The following RORA variants were observed in gnomAD, a reference collection of about 807,000 sequenced individuals.
RORA encodes the protein nuclear receptor ROR-alpha.
Under a neutral mutation model 69.5 loss-of-function variants are expected in RORA, and 7 were observed. The observed-to-expected ratio is 0.10, with a 90% CI of 0.06 to 0.19. The LOEUF (loss-of-function observed/expected upper bound fraction) is 0.19, where lower values mean the gene tolerates loss of function less well. RORA is among the 10% of genes least tolerant of loss of function. The pLI is 1.00. For synonymous variants in RORA, 261 were observed against 240.8 expected, an observed-to-expected ratio of 1.08 and a Z score of -0.78; for missense variants, 457 against 663.0, an observed-to-expected ratio of 0.69 and a Z score of 3.41.
At chr15:60,561,056 GT>G (rs59042428) in intron 2 of RORA, among the ~76,000 whole-genome samples, 9,933 of 119,550 alleles carry the variant, frequency 0.083, 471 homozygotes, top group African/African-American at 0.17. Context: ...TTTAACTTGT[GT>G]TTTTTTTTTT....
At chr15:60,868,986 T>C (rs554217533) in intron 1 of RORA, among the ~76,000 whole-genome samples, 3 of 152,178 alleles carry the variant, frequency 2.0e-5, no homozygotes, top group African/African-American at 2.4e-5. Flanking sequence ...CCAGAACCCA[T>C]GCCAAACATG....
At chr15:61,195,324 G>A (rs542370522) in intron 1 of RORA, among the ~76,000 whole-genome samples, 1 of 151,932 alleles carries the variant, frequency 6.6e-6, no homozygotes, top group Admixed American at 6.6e-5. Context: ...GCCACTAGAG[G>A]TCTACTCCAC....
Position 60,515,931 on chromosome 15 carries a change from A to ATATT in RORA, c.283-1175_283-1174insAATA, listed in dbSNP as rs1555424754. 2.2e-4 allele frequency among the ~76,000 whole-genome samples: 4 copies of ATATT among 18,498 alleles called. 1 individual carries two copies. Among genetic ancestry groups the ATATT allele is most frequent in the African/African-American group, 8.3e-4 (3 of 3,616 alleles). 12.1% of individuals were successfully genotyped at this position (18,498 alleles called of 152,430 possible). A position where few individuals can be genotyped will look rare whatever the true frequency, so the allele number is the denominator to read the frequency against. ...ATATTGTATTTATATATATATTTAT[A>ATATT]TATATATTTATATATATTTATATAT... On this transcript the variant is annotated intron_variant, in intron 3 of 10. Transcript: ENST00000335670.
intron 1 of RORA, chr15:61,041,206 T>C (rs944654999): frequency 6.6e-6 from 1 of 152,246 alleles, no homozygotes; most frequent in African/African-American, 2.4e-5. Context: ...GCTCACAGTC[T>C]TTCTGCATCA....
At chr15:61,088,961 T>G (rs2078664885) in intron 1 of RORA, among the ~76,000 whole-genome samples, 1 of 152,116 alleles carries the variant, frequency 6.6e-6, no homozygotes, top group South Asian at 2.1e-4. Flanking sequence ...CGATTGACAC[T>G]GTTCAAAACG....
intron 1 of RORA, among the ~76,000 whole-genome samples, chr15:61,188,883 C>A (rs1473465813): frequency 1.3e-5 from 2 of 152,144 alleles, no homozygotes; most frequent in African/African-American, 4.8e-5. Flanking sequence ...CTACGAGTGA[C>A]CAAGGTCAGG....
intron 2 of RORA, among the ~76,000 whole-genome samples, chr15:60,617,410 G>A (rs923695210): frequency 6.6e-6 from 1 of 152,112 alleles, no homozygotes; most frequent in African/African-American, 2.4e-5. Context: ...ACTCTGTACT[G>A]AGTTTTGAAG....
intron 1 of RORA, among the ~76,000 whole-genome samples, chr15:60,707,357 T>TATTTATTC: frequency 6.7e-6 from 1 of 149,510 alleles, no homozygotes; most frequent in East Asian, 2.0e-4. Context: ...TTTATTTATT[T>TATTTATTC]ATTTATTTAT....
chr15:61,137,063 GAA>G (rs1278522928), intron 1 of RORA, among the ~76,000 whole-genome samples: 2 of 147,492 alleles, frequency 1.4e-5, no homozygotes, highest in East Asian at 3.9e-4. Context: ...AAGAAAGAAA[GAA>G]AGAAAGAAAG....
At chr15:60,988,102 C>G (rs1894264584) in intron 1 of RORA, among the ~76,000 whole-genome samples, 1 of 152,214 alleles carries the variant, frequency 6.6e-6, no homozygotes, top group South Asian at 2.1e-4. Context: ...CAATACAAAG[C>G]TGTACAATTC....
chr15:60,572,071 G>C (rs753013471), intron 2 of RORA, among the ~76,000 whole-genome samples: 16 of 152,200 alleles, frequency 1.1e-4, no homozygotes, highest in Non-Finnish European at 1.6e-4. Flanking sequence ...CCATGCATGA[G>C]ATTCCATAAG....
At chr15:61,087,538 A>T (rs909455393) in intron 1 of RORA, among the ~76,000 whole-genome samples, 4 of 152,190 alleles carry the variant, frequency 2.6e-5, no homozygotes, top group Admixed American at 2.0e-4. Flanking sequence ...TCCACCAAAA[A>T]CTAAAAGCAG....
chr15:60,736,881 A>C (rs1473306635), intron 1 of RORA: 2 of 152,196 alleles, frequency 1.3e-5, no homozygotes, highest in Non-Finnish European at 2.9e-5. Flanking sequence ...ACCTTGGCTA[A>C]AGGAACATAG....
chr15:60,913,575 T>C (rs1339048557), intron 1 of RORA, among the ~76,000 whole-genome samples: 1 of 152,250 alleles, frequency 6.6e-6, no homozygotes, highest in Non-Finnish European at 1.5e-5. Flanking sequence ...TCCAGGTCTT[T>C]CTGTTTCACT....
chr15:60,551,922 AGAACCAGTGT>A (rs2067237377), intron 2 of RORA, among the ~76,000 whole-genome samples: 1 of 152,274 alleles, frequency 6.6e-6, no homozygotes, highest in South Asian at 2.1e-4. Context: ...AGAGAAAAAC[AGAACCAGTGT>A]GAACAGAAAC....
intron 1 of RORA, among the ~76,000 whole-genome samples, chr15:60,715,531 A>G (rs976185353): frequency 6.6e-6 from 1 of 152,210 alleles, no homozygotes; most frequent in African/African-American, 2.4e-5. Flanking sequence ...AAAGCTATGA[A>G]AACCACAACT....
chr15:61,113,786 G>C (rs1388717209), intron 1 of RORA, among the ~76,000 whole-genome samples: 3 of 152,206 alleles, frequency 2.0e-5, no homozygotes, highest in African/African-American at 7.2e-5. Context: ...CTGCTTACCA[G>C]TTTGTGAAGC....
At chr15:60,739,673 C>A (rs1265029076) in intron 1 of RORA, among the ~76,000 whole-genome samples, 4 of 152,130 alleles carry the variant, frequency 2.6e-5, no homozygotes, top group African/African-American at 9.7e-5. Flanking sequence ...CTCTCAATGC[C>A]CCACTTCATA....
intron 1 of RORA, among the ~76,000 whole-genome samples, chr15:60,864,408 C>T (rs1195832160): frequency 6.6e-6 from 1 of 151,964 alleles, no homozygotes; most frequent in Non-Finnish European, 1.5e-5. Flanking sequence ...ATTTTATTGG[C>T]CATAATTTTT....
Sources: allele counts gnomAD v4.1 joint callset (sites outside exome capture counted in the v4.1 genomes callset), GRCh38; gene constraint gnomAD v4.1.1; transcripts MANE v1.5; gene names NCBI Gene and HGNC (gene_info 2026-07-23, HGNC 2026-07-21).